The following PRKD1 variants were observed in gnomAD, a reference collection of about 807,000 sequenced individuals.
PRKD1 encodes serine/threonine-protein kinase D1.
In PRKD1, 63 loss-of-function variants were observed where a neutral mutation model predicts 95.9. The ratio of observed to expected loss-of-function variants is 0.66; its 90% CI spans 0.54 to 0.81. The LOEUF is 0.81. PRKD1 is among the 30% of genes least tolerant of loss of function. The probability of loss-of-function intolerance (pLI) is 0.00; values close to 1 mark genes in which losing one functional copy is unlikely to be tolerated. For missense variants in PRKD1, 1,048 were observed against 1,165.3 expected, an observed-to-expected ratio of 0.90 and a Z score of 1.47; for synonymous variants, 425 against 423.1, an observed-to-expected ratio of 1.00 and a Z score of -0.05.
intron 1 of PRKD1, among the ~76,000 whole-genome samples, chr14:29,809,552 T>G (rs1344295618): frequency 6.6e-6 from 1 of 152,240 alleles, no homozygotes; most frequent in Non-Finnish European, 1.5e-5. Context: ...TGCTACACCT[T>G]GCACTTTTAT....
At chr14:29,907,517 G>C (rs992899635) in intron 1 of PRKD1, among the ~76,000 whole-genome samples, 3 of 152,144 alleles carry the variant, frequency 2.0e-5, no homozygotes, top group African/African-American at 7.2e-5. Context: ...AAAGATCCCT[G>C]GTCGTGTGGT....
intron 2 of PRKD1, among the ~76,000 whole-genome samples, chr14:29,713,004 G>A (rs1284843216): frequency 2.6e-5 from 4 of 152,094 alleles, no homozygotes; most frequent in Non-Finnish European, 5.9e-5. Context: ...TCTCCAGTTG[G>A]CTTTGTTAAT....
chr14:29,833,290 C>A (rs1566626599), intron 1 of PRKD1, among the ~76,000 whole-genome samples: 1 of 151,936 alleles, frequency 6.6e-6, no homozygotes, highest in Non-Finnish European at 1.5e-5. Context: ...AGTTGTGTAA[C>A]CACAGGTAAA....
chr14:29,828,023 C>T (rs952737586), intron 1 of PRKD1, among the ~76,000 whole-genome samples: 1 of 151,902 alleles, frequency 6.6e-6, no homozygotes, highest in African/African-American at 2.4e-5. Context: ...CTTATCTATT[C>T]CTACATTTAT....
At chr14:29,749,406 T>C (rs1294649242) in intron 1 of PRKD1, among the ~76,000 whole-genome samples, 1 of 152,132 alleles carries the variant, frequency 6.6e-6, no homozygotes, top group Non-Finnish European at 1.5e-5. Context: ...GCTATGTCTG[T>C]AGTATGTGTG....
In PRKD1 at chr14:29,597,554, C is replaced by T. The variant is rs1162341357; in HGVS notation, c.2371G>A (p.Asp791Asn). Residue 791 changes from aspartate (D) to asparagine (N), a missense_variant, in exon 16 of 18, where the codon GAC becomes AAC. Asp to Asn is a conservative substitution (Grantham distance 23). Coordinates refer to ENST00000331968, the MANE Select transcript of PRKD1 (RefSeq NM_002742.3). ...FPFNEDEDIH[D>N]QIQNAAFMYP... ...ATGAAAGCTGCATTCTGAATTTGGT[C>T]GTGTATGTCTTCATCTTCATTAAAT... is the stretch of plus-strand genomic sequence containing the variant. The T allele has an allele frequency of 3.7e-6, 6 of 1,613,728 alleles. No individual in the cohort carries two copies. The highest frequency in any genetic ancestry group is 1.3e-5 in the African/African-American group (1 of 75,010).
intron 1 of PRKD1, among the ~76,000 whole-genome samples, chr14:29,775,332 T>C (rs1159457866): frequency 1.3e-5 from 2 of 151,656 alleles, no homozygotes; most frequent in African/African-American, 4.8e-5. Context: ...CGAATGAGAG[T>C]CGAAGCAGGG....
chr14:29,600,758 T>C (rs1893486646), intron 13 of PRKD1, among the ~76,000 whole-genome samples: 1 of 152,190 alleles, frequency 6.6e-6, no homozygotes, highest in Non-Finnish European at 1.5e-5. Context: ...AGCAGCATTT[T>C]GCTTGACACA....
intron 13 of PRKD1, among the ~76,000 whole-genome samples, chr14:29,613,373 C>T (rs1878616384): frequency 6.6e-6 from 1 of 152,140 alleles, no homozygotes; most frequent in African/African-American, 2.4e-5. Flanking sequence ...CTACTTACTC[C>T]TGATCATCCA....
chr14:29,602,427 C>CTTTTT (rs11331211), intron 13 of PRKD1, among the ~76,000 whole-genome samples: 1 of 131,438 alleles, frequency 7.6e-6, no homozygotes, highest in Non-Finnish European at 1.6e-5. Flanking sequence ...CTGTATTCCT[C>CTTTTT]TTTTTTTTTT....
chr14:29,917,932 A>AT (rs1894948169), intron 1 of PRKD1, among the ~76,000 whole-genome samples: 1 of 152,106 alleles, frequency 6.6e-6, no homozygotes, highest in South Asian at 2.1e-4. Flanking sequence ...TAAAAAATAG[A>AT]TTTTTTTAAC....
chr14:29,882,720 C>G (rs1376616162), intron 1 of PRKD1, among the ~76,000 whole-genome samples: 1 of 152,202 alleles, frequency 6.6e-6, no homozygotes, highest in Non-Finnish European at 1.5e-5. Context: ...CTACACTAGA[C>G]ACCTCATACA....
Position 29,634,963 on chromosome 14 carries a change from G to A in PRKD1, c.1191-422C>T, listed in dbSNP as rs187708060. Among the ~76,000 whole-genome samples the A allele has an allele frequency of 5.9e-4, 90 of 152,140 alleles. 1 individual carries two copies. In the South Asian group the frequency reaches 0.016, roughly 26 times the overall value. ...GGCAGAGAATTGCTTGAACTCGGGA[G>A]GCAGAGGTTGCAATGAGCCAAGATT... On this transcript the variant is annotated intron_variant, in intron 7 of 17. Transcript: ENST00000331968.
intron 2 of PRKD1, among the ~76,000 whole-genome samples, chr14:29,677,553 G>A (rs1050267025): frequency 7.2e-5 from 11 of 152,132 alleles, no homozygotes; most frequent in African/African-American, 2.4e-5. Context: ...TACTAGTAAA[G>A]GTAAAGGCAG....
chr14:29,635,518 T>C (rs1880308948), intron 7 of PRKD1, among the ~76,000 whole-genome samples: 1 of 152,196 alleles, frequency 6.6e-6, no homozygotes, highest in Admixed American at 6.5e-5. Context: ...TCTACTCTCA[T>C]GAACAATTTG....
chr14:29,700,676 T>G (rs938053563), intron 2 of PRKD1, among the ~76,000 whole-genome samples: 7 of 152,180 alleles, frequency 4.6e-5, no homozygotes, highest in African/African-American at 1.4e-4. Context: ...GTGAAGGTAT[T>G]TCTTGATGAG....
At chr14:29,767,667 A>C (rs1202551819) in intron 1 of PRKD1, among the ~76,000 whole-genome samples, 1 of 152,196 alleles carries the variant, frequency 6.6e-6, no homozygotes, top group African/African-American at 2.4e-5. Flanking sequence ...TTTCATATTT[A>C]AACCATGTTC....
At chr14:29,864,506 G>A (rs45438096) in intron 1 of PRKD1, among the ~76,000 whole-genome samples, 2,357 of 152,136 alleles carry the variant, frequency 0.015, 40 homozygotes, top group South Asian at 0.09. Context: ...CTCAAAAGTG[G>A]CAGTATGATG....
chr14:29,684,650 T>C (rs529607581), intron 2 of PRKD1, among the ~76,000 whole-genome samples: 9 of 152,304 alleles, frequency 5.9e-5, no homozygotes, highest in African/African-American at 1.7e-4. Flanking sequence ...CCCAGCTATA[T>C]GTGTTTACCA....
Sources: gnomAD v4.1 joint callset for allele counts (sites outside exome capture counted in the v4.1 genomes callset) on GRCh38, gnomAD v4.1.1 for gene constraint, MANE v1.5 for transcripts, NCBI Gene and HGNC (gene_info 2026-07-23, HGNC 2026-07-21) for gene names.